DNAJA3: variants seen among roughly 807,000 people sequenced by gnomAD.
DNAJA3 encodes the protein dnaJ homolog subfamily A member 3, mitochondrial.
In DNAJA3, 29 loss-of-function variants were observed where a neutral mutation model predicts 54.9. That is an observed-to-expected ratio of 0.53 (90% CI 0.39 to 0.72). The LOEUF (loss-of-function observed/expected upper bound fraction) is 0.72, where lower values mean the gene tolerates loss of function less well. Among genes scored for constraint, DNAJA3 ranks in the 30% least tolerant of loss-of-function variants. DNAJA3 has a pLI of 0.00. For missense variants in DNAJA3, 708 were observed against 639.4 expected, an observed-to-expected ratio of 1.11 and a Z score of -1.16; for synonymous variants, 302 against 251.4, an observed-to-expected ratio of 1.20 and a Z score of -1.90.
At chr16:4,450,042 C>T (rs933707168) in intron 9 of DNAJA3, 1 of 177,920 alleles carries the variant, frequency 5.6e-6, no homozygotes, top group East Asian at 1.5e-4. Context: ...CCCACCTTGG[C>T]CTCCCAAAAT....
chr16:4,447,042 A>G, intron 8 of DNAJA3, 28 bp downstream of exon 8: 1 of 1,601,836 alleles, frequency 6.2e-7, no homozygotes, highest in South Asian at 1.1e-5. Flanking sequence ...CACCTTTGTC[A>G]CCCCTGTACT....
At position 4,441,382 on chromosome 16, in the gene DNAJA3, G is replaced by A. The variant is rs1449605494; in HGVS notation, c.437G>A (p.Ser146Asn). Residue 146 changes from serine to asparagine, a missense_variant, in exon 4 of 12, where the codon AGT becomes AAT. Coordinates refer to ENST00000262375, the MANE Select transcript of DNAJA3 (RefSeq NM_005147.6). ...CTCTGCCTTTCACTGTAGGTTTTGA[G>A]TGATGAGGTGAAGAGGAAGCAGTAC... ...SQLAEAYEVL[S>N]DEVKRKQYDA... The A allele has an allele frequency of 6.2e-7, 1 of 1,612,370 alleles. No individual in the cohort carries two copies.
chr16:4,434,931 C>A (rs2056755706), intron 2 of DNAJA3, among the ~76,000 whole-genome samples: 1 of 124,414 alleles, frequency 8.0e-6, no homozygotes, highest in Admixed American at 9.7e-5. Flanking sequence ...GAGTCTCACT[C>A]CATTGCTGAG....
At chr16:4,450,243 G>T in intron 9 of DNAJA3, 157 bp from the exon 10 acceptor site, 3 of 584,728 alleles carry the variant, frequency 5.1e-6, no homozygotes, top group Non-Finnish European at 3.0e-6. Context: ...TGAGGGCATG[G>T]TCCTTAGGTT....
Position 4,425,942 on chromosome 16 carries a change from G to A in DNAJA3, c.61G>A (p.Ala21Thr), listed in dbSNP as rs199789349. 281 of 1,561,974 alleles carry A rather than the reference G, an allele frequency of 1.8e-4. 1 individual carries two copies. The African/African-American group carries it at 2.9e-3, about 16-fold the overall frequency. ...GGTTGTGGGGACCCCGCGGCTGCCG[G>A]CTATATCGGGTAGAGGGGCCCGGCC... is the stretch of plus-strand genomic sequence containing the variant. The part of the protein sequence containing the change: ...LVVVGTPRLP[A>T]ISGRGARPPR... The change falls in exon 1 of 12, where the codon GCT becomes ACT. Residue 21 changes from alanine to threonine, a missense_variant. By Grantham distance (58) the Ala-to-Thr change is moderately conservative (BLOSUM62 0). Coordinates refer to ENST00000262375, the MANE Select transcript of DNAJA3 (RefSeq NM_005147.6).
chr16:4,445,705 C>G (rs905479595), intron 7 of DNAJA3, among the ~76,000 whole-genome samples: 3 of 151,970 alleles, frequency 2.0e-5, no homozygotes, highest in Non-Finnish European at 4.4e-5. Context: ...GCACACGCCA[C>G]CAGGCCCGGC....
intron 3 of DNAJA3, among the ~76,000 whole-genome samples, chr16:4,438,517 C>A (rs1567327286): frequency 6.6e-6 from 1 of 151,934 alleles, no homozygotes; most frequent in African/African-American, 2.4e-5. Context: ...CATTATTGTC[C>A]TATAAGAATG....
chr16:4,444,457 C>A (rs1250128479), intron 6 of DNAJA3, among the ~76,000 whole-genome samples: 1 of 151,302 alleles, frequency 6.6e-6, no homozygotes, highest in African/African-American at 2.4e-5. Flanking sequence ...GATTCTCTTT[C>A]CTCAGCCTCC....
At chr16:4,447,951 T>G (rs2056923028) in intron 8 of DNAJA3, 1 of 150,124 alleles carries the variant, frequency 6.7e-6, no homozygotes, top group Admixed American at 6.7e-5. Context: ...TCTCAGGCAG[T>G]TCACCCGCCT....
At chr16:4,436,720 G>C (rs2056776630) in intron 2 of DNAJA3, among the ~76,000 whole-genome samples, 1 of 152,114 alleles carries the variant, frequency 6.6e-6, no homozygotes, top group African/African-American at 2.4e-5. Context: ...ATTTTTAGTA[G>C]AGATGGGGTT....
rs750067919 is a variant in DNAJA3 at position 4,448,766 on chromosome 16, C to A, written c.1159C>A (p.Arg387=). The change falls in exon 9 of 12, where the codon CGG becomes AGG. Residue 387 remains arginine, a synonymous_variant. Transcript: ENST00000262375. ...PPGTQTDQKI[R]MGGKGIPRIN... ...TGGGACTCAGACAGACCAGAAGATTCGGATGGGTGGGAAAGGCATCCCCCG... is the reference window on the plus strand; with the variant it reads ...TGGGACTCAGACAGACCAGAAGATTAGGATGGGTGGGAAAGGCATCCCCCG... 6 of 1,614,076 alleles carry A rather than the reference C, an allele frequency of 3.7e-6. No individual in the cohort carries two copies. The highest frequency in any genetic ancestry group is 5.1e-6 in the Non-Finnish European group (6 of 1,179,974).
intron 9 of DNAJA3, chr16:4,450,171 A>G (rs1596371172): frequency 2.1e-6 from 1 of 477,654 alleles, no homozygotes; most frequent in Non-Finnish European, 3.7e-6. Flanking sequence ...GCATAGCCAC[A>G]GTGACACTTG....
At chr16:4,452,348 A>G (rs1240307910) in intron 10 of DNAJA3, among the ~76,000 whole-genome samples, 1 of 152,056 alleles carries the variant, frequency 6.6e-6, no homozygotes, top group African/African-American at 2.4e-5. Context: ...CCCGCCCATC[A>G]GGGTAGCTTG....
At chr16:4,434,131 CAT>C (rs1367380897) in intron 1 of DNAJA3, 1 of 457,818 alleles carries the variant, frequency 2.2e-6, no homozygotes, top group Non-Finnish European at 3.9e-6. Context: ...TATCAGATCT[CAT>C]GAGAACTTAC....
rs746473797 is a variant in DNAJA3, at chr16:4,426,039, C to G, written c.158C>G (p.Thr53Ser). Residue 53 changes from threonine to serine, a missense_variant, in exon 1 of 12, where the codon ACC becomes AGC. Coordinates refer to ENST00000262375, the MANE Select transcript of DNAJA3 (RefSeq NM_005147.6). Reference sequence around the variant, plus strand: ...GTCCCCGCCTTTGCGTCTTCCCTGACCTCTTGCGGCCCCCGAGCGCTGCTG... The same window carrying G: ...GTCCCCGCCTTTGCGTCTTCCCTGAGCTCTTGCGGCCCCCGAGCGCTGCTG... ...LSVPAFASSL[T>S]SCGPRALLTL... 1.9e-6 allele frequency: 3 copies of G among 1,605,674 alleles called. No homozygotes were observed. The highest frequency in any genetic ancestry group is 2.2e-5 in the South Asian group (2 of 89,846).
chr16:4,452,685 G>A (rs1428278621), intron 10 of DNAJA3, among the ~76,000 whole-genome samples: 2 of 152,170 alleles, frequency 1.3e-5, no homozygotes, highest in Admixed American at 6.6e-5. Context: ...AATGCAGGAA[G>A]ATCACTTGAA....
At chr16:4,454,705 C>A in intron 10 of DNAJA3, 106 bp from the exon 11 acceptor site, 1 of 769,686 alleles carries the variant, frequency 1.3e-6, no homozygotes, top group Non-Finnish European at 2.1e-6. Context: ...TTGGCCGCTT[C>A]TTGAACGTGG....
intron 10 of DNAJA3, among the ~76,000 whole-genome samples, 183 bp downstream of exon 10, chr16:4,450,680 A>G (rs1436135619): frequency 6.6e-6 from 1 of 152,114 alleles, no homozygotes; most frequent in Non-Finnish European, 1.5e-5. Flanking sequence ...CCCCCAGTCC[A>G]AGCTTCGCCT....
intron 3 of DNAJA3, among the ~76,000 whole-genome samples, chr16:4,439,707 A>G (rs113016779): frequency 0.037 from 5,597 of 152,210 alleles, 163 homozygotes; most frequent in Admixed American, 0.099. Context: ...AAGAGCAGCA[A>G]TTCCTTGGGA....
Sources: allele counts gnomAD v4.1 joint callset (sites outside exome capture counted in the v4.1 genomes callset), GRCh38; gene constraint gnomAD v4.1.1; transcripts MANE v1.5; gene names NCBI Gene and HGNC (gene_info 2026-07-23, HGNC 2026-07-21).